Variants in ZNF385D observed in about 807,000 individuals in gnomAD.
The protein encoded by ZNF385D is zinc finger protein 659.
Under a neutral mutation model 35.8 loss-of-function variants are expected in ZNF385D, and 15 were observed. The observed-to-expected ratio is 0.42, with a 90% CI of 0.28 to 0.64. The LOEUF is 0.64. Among genes scored for constraint, ZNF385D ranks in the 30% least tolerant of loss-of-function variants. The probability of loss-of-function intolerance (pLI) is 0.23; values close to 1 mark genes in which losing one functional copy is unlikely to be tolerated. For missense variants in ZNF385D, 474 were observed against 494.6 expected (o/e 0.96, Z 0.39); for synonymous variants, 212 against 186.8 (o/e 1.13, Z -1.10).
intron 3 of ZNF385D, among the ~76,000 whole-genome samples, chr3:22,065,897 T>A (rs1172768028): frequency 6.6e-6 from 1 of 152,182 alleles, no homozygotes; most frequent in African/African-American, 2.4e-5. Flanking sequence ...GATAAAGACA[T>A]CACGGATCAC....
intron 3 of ZNF385D, among the ~76,000 whole-genome samples, chr3:21,811,969 A>C (rs1324442603): frequency 6.6e-6 from 1 of 152,224 alleles, no homozygotes; most frequent in Non-Finnish European, 1.5e-5. Flanking sequence ...AATTCTAAAG[A>C]AAGTATATAG....
chr3:21,723,006 C>T lies in ZNF385D; in HGVS notation c.22+27889G>A, dbSNP rs558325757. ...TATTTGTCACCCAGCCATGTGCTTC[C>T]TTCCAGTCTTGATGCCTCAGAGCTG... On this transcript the variant is annotated intron_variant, in intron 1 of 7. Transcript: ENST00000281523. Among the ~76,000 whole-genome samples the T allele has an allele frequency of 3.3e-5, 5 of 152,294 alleles. No individual in the cohort carries two copies. The South Asian group carries it at 1.0e-3, about 32-fold the overall frequency.
chr3:21,903,537 T>C (rs1439534417), intron 3 of ZNF385D, among the ~76,000 whole-genome samples: 1 of 152,172 alleles, frequency 6.6e-6, no homozygotes, highest in Non-Finnish European at 1.5e-5. Context: ...TGATGGCTGC[T>C]ACAGAACTTT....
chr3:21,940,329 G>T (rs1188085389), intron 3 of ZNF385D, among the ~76,000 whole-genome samples: 3 of 152,102 alleles, frequency 2.0e-5, no homozygotes, highest in African/African-American at 7.2e-5. Flanking sequence ...CCCATTTAGT[G>T]GCAAGTTGCT....
chr3:21,452,951 G>T (rs886805740), intron 4 of ZNF385D, among the ~76,000 whole-genome samples: 2 of 151,836 alleles, frequency 1.3e-5, no homozygotes, highest in Non-Finnish European at 2.9e-5. Flanking sequence ...AAAGTTAGAA[G>T]AATCACACTT....
intron 2 of ZNF385D, among the ~76,000 whole-genome samples, chr3:22,313,314 G>A (rs2125432101): frequency 6.6e-6 from 1 of 151,584 alleles, no homozygotes; most frequent in East Asian, 2.0e-4. Context: ...ACGAGTTAAT[G>A]GGTGCAGCAC....
chr3:21,672,280 G>A (rs564179695), intron 1 of ZNF385D, among the ~76,000 whole-genome samples: 15 of 142,918 alleles, frequency 1.0e-4, no homozygotes, highest in Admixed American at 2.8e-4. Context: ...TTTTCTCCCC[G>A]CCCCTCTCCT....
chr3:21,448,434 G>A (rs1284604870), intron 4 of ZNF385D, among the ~76,000 whole-genome samples: 1 of 152,018 alleles, frequency 6.6e-6, no homozygotes, highest in African/African-American at 2.4e-5. Context: ...AGAAAAATGG[G>A]GGTCATCACA....
At chr3:21,541,598 T>C (rs2062178317) in intron 3 of ZNF385D, among the ~76,000 whole-genome samples, 1 of 152,220 alleles carries the variant, frequency 6.6e-6, no homozygotes. Context: ...TTTTCTTAAA[T>C]TTCTTTGCTC....
chr3:22,003,502 A>G (rs1164371673), intron 3 of ZNF385D, among the ~76,000 whole-genome samples: 2 of 152,206 alleles, frequency 1.3e-5, no homozygotes, highest in East Asian at 1.9e-4. Flanking sequence ...CCATAGTACC[A>G]AAGGTATTCT....
intron 3 of ZNF385D, among the ~76,000 whole-genome samples, chr3:22,152,330 C>T (rs1705291310): frequency 6.6e-6 from 1 of 152,128 alleles, no homozygotes; most frequent in South Asian, 2.1e-4. Context: ...TGACCTCATA[C>T]CACTTAGGAA....
chr3:21,538,434 C>T (rs2062090263), intron 3 of ZNF385D, among the ~76,000 whole-genome samples: 1 of 152,092 alleles, frequency 6.6e-6, no homozygotes, highest in Admixed American at 6.5e-5. Context: ...GATATGTTAA[C>T]TTTCACTCTT....
chr3:22,287,915 G>C (rs771764536), intron 2 of ZNF385D, among the ~76,000 whole-genome samples: 3 of 151,764 alleles, frequency 2.0e-5, no homozygotes, highest in Non-Finnish European at 4.4e-5. Context: ...TAAAAATTTT[G>C]TTAGCACTTT....
chr3:21,677,616 T>C (rs1453135128), intron 1 of ZNF385D, among the ~76,000 whole-genome samples: 1 of 151,916 alleles, frequency 6.6e-6, no homozygotes, highest in Non-Finnish European at 1.5e-5. Flanking sequence ...ACAATTAGAG[T>C]AAAATATTCT....
At chr3:21,804,506 G>A (rs1013647665) in intron 3 of ZNF385D, among the ~76,000 whole-genome samples, 2 of 152,160 alleles carry the variant, frequency 1.3e-5, no homozygotes, top group Non-Finnish European at 2.9e-5. Flanking sequence ...TTCAAAAGCA[G>A]AGGGAGTGAT....
intron 2 of ZNF385D, among the ~76,000 whole-genome samples, chr3:22,264,165 T>C (rs1324867837): frequency 1.3e-5 from 2 of 151,946 alleles, no homozygotes; most frequent in South Asian, 2.1e-4. Flanking sequence ...ATATATAAGA[T>C]CAATTTGGAC....
intron 3 of ZNF385D, among the ~76,000 whole-genome samples, chr3:22,071,435 G>C (rs1161132730): frequency 6.6e-6 from 1 of 152,090 alleles, no homozygotes; most frequent in Non-Finnish European, 1.5e-5. Flanking sequence ...GAGGTCACTA[G>C]GTGATTGAAA....
intron 3 of ZNF385D, among the ~76,000 whole-genome samples, chr3:21,916,895 A>G (rs1405162346): frequency 6.6e-6 from 1 of 152,202 alleles, no homozygotes; most frequent in African/African-American, 2.4e-5. Context: ...TACCCTATGG[A>G]AAGATATACC....
chr3:21,900,634 T>G (rs1448722968), intron 3 of ZNF385D, among the ~76,000 whole-genome samples: 1 of 152,154 alleles, frequency 6.6e-6, no homozygotes, highest in East Asian at 1.9e-4. Flanking sequence ...GAAGACAGAC[T>G]ATAGTATGGA....
Sources: allele counts gnomAD v4.1 joint callset (sites outside exome capture counted in the v4.1 genomes callset), GRCh38; gene constraint gnomAD v4.1.1; transcripts MANE v1.5; gene names NCBI Gene and HGNC (gene_info 2026-07-23, HGNC 2026-07-21).